The following OPHN1 variants were observed in gnomAD, a reference collection of about 807,000 sequenced individuals.
OPHN1 encodes the protein oligophrenin 1.
Under a neutral mutation model 60.7 loss-of-function variants are expected in OPHN1, and 11 were observed. The observed-to-expected ratio is 0.18, with a 90% CI of 0.11 to 0.30. The LOEUF (loss-of-function observed/expected upper bound fraction) is 0.30, where lower values mean the gene tolerates loss of function less well. Ranked by LOEUF, OPHN1 falls within the 10% of genes least tolerant of loss-of-function variation. The pLI, the probability that OPHN1 is intolerant of heterozygous loss-of-function variation, is 1.00. For missense variants in OPHN1, 449 were observed against 611.0 expected (o/e 0.73, Z 2.80); for synonymous variants, 226 against 222.6 (o/e 1.02, Z -0.14).
Position 68,422,779 on chromosome X carries a change from AAGAG to A in OPHN1, c.154+10084_154+10087del, listed in dbSNP as rs1160830744. ...AGAAGAAAGGGAAAGGGAAGAAAGA[AAGAG>A]AGAGAGGGAGGGAGGGAGGGAGGGA... On this transcript the variant is annotated intron_variant, in intron 2 of 24. Transcript: ENST00000355520. 1.5e-4 allele frequency among the ~76,000 whole-genome samples: 12 copies of A among 81,395 alleles called. No individual in the cohort carries two copies. The South Asian group carries it at 3.3e-3, about 22-fold the overall frequency. The allele number at this position is 81,395 out of a possible 115,157, so 70.7% of individuals were successfully genotyped here. A position where few individuals can be genotyped will look rare whatever the true frequency, so the allele number is the denominator to read the frequency against.
At chrX:68,142,151 G>A (rs987776893) in intron 15 of OPHN1, among the ~76,000 whole-genome samples, 3 of 111,904 alleles carry the variant, frequency 2.7e-5, no homozygotes, top group African/African-American at 9.7e-5. Flanking sequence ...TCAGATGACT[G>A]AAACCTAAGA....
At chrX:68,140,640 C>T (rs2077238492) in intron 15 of OPHN1, among the ~76,000 whole-genome samples, 3 of 110,267 alleles carry the variant, frequency 2.7e-5, no homozygotes, top group South Asian at 8.0e-4. Flanking sequence ...TAAACCTCAC[C>T]CTCAAGCCTG....
chrX:68,375,869 CAG>C (rs768573491), intron 2 of OPHN1, among the ~76,000 whole-genome samples: 1 of 111,085 alleles, frequency 9.0e-6, no homozygotes, highest in East Asian at 2.8e-4. Flanking sequence ...AACTGAGGCA[CAG>C]AGAGATGAAA....
intron 2 of OPHN1, among the ~76,000 whole-genome samples, chrX:68,420,136 C>T (rs1459020892): frequency 8.9e-6 from 1 of 111,741 alleles, no homozygotes; most frequent in Non-Finnish European, 1.9e-5. Flanking sequence ...ATGGCCACCA[C>T]TTCCTATGGG....
chrX:68,130,940 A>C (rs1180055865), intron 15 of OPHN1, among the ~76,000 whole-genome samples: 1 of 111,109 alleles, frequency 9.0e-6, no homozygotes, highest in Non-Finnish European at 1.9e-5. Context: ...ATAATGACAA[A>C]CTGGTAGATT....
intron 2 of OPHN1, among the ~76,000 whole-genome samples, chrX:68,346,354 G>C (rs1243590755): frequency 8.9e-6 from 1 of 111,805 alleles, no homozygotes; most frequent in Admixed American, 9.6e-5. Context: ...TCTATTAATA[G>C]GAGGCTGTAT....
chrX:68,340,186 G>C (rs1487174719), intron 2 of OPHN1, among the ~76,000 whole-genome samples: 1 of 111,997 alleles, frequency 8.9e-6, no homozygotes, highest in Non-Finnish European at 1.9e-5. Flanking sequence ...AATCCCAGCT[G>C]TCTTTCTGGC....
In OPHN1 at chrX:68,227,934, C is replaced by CA. The variant is rs1033443030; in HGVS notation, c.486+6552dup. 1.3e-3 allele frequency among the ~76,000 whole-genome samples: 139 copies of CA among 107,184 alleles called. No homozygotes were observed. The Middle Eastern group carries it at 0.019, about 15-fold the overall frequency. 93.1% of individuals were successfully genotyped at this position (107,184 alleles called of 115,157 possible). On this transcript the variant is annotated intron_variant, in intron 6 of 24. Transcript: ENST00000355520. ...GCAGAACTGAAGGAGATAAGAGACA[C>CA]AAAAAAAAACCTTCAAAAAATCAAT... is the stretch of plus-strand genomic sequence containing the variant.
chrX:68,314,509 G>T (rs773797882), intron 2 of OPHN1, among the ~76,000 whole-genome samples: 6 of 107,346 alleles, frequency 5.6e-5, no homozygotes, highest in African/African-American at 2.0e-4. Flanking sequence ...CAACAAGAGC[G>T]AAACTCCATT....
intron 18 of OPHN1, among the ~76,000 whole-genome samples, chrX:68,108,616 T>C (rs746932820): frequency 1.8e-5 from 2 of 111,686 alleles, no homozygotes; most frequent in East Asian, 5.6e-4. Flanking sequence ...TAAATTATAT[T>C]ACTACTATTA....
At chrX:68,164,620 T>G (rs189420323) in intron 15 of OPHN1, among the ~76,000 whole-genome samples, 121 of 112,059 alleles carry the variant, frequency 1.1e-3, no homozygotes, top group Non-Finnish European at 1.8e-3. Context: ...CAGAGTGGCT[T>G]TAGCATAATT....
intron 2 of OPHN1, among the ~76,000 whole-genome samples, chrX:68,381,703 G>C (rs1339007709): frequency 9.0e-6 from 1 of 111,405 alleles, no homozygotes; most frequent in African/African-American, 3.3e-5. Context: ...CCAACCATCT[G>C]TGGCATGTGT....
chrX:68,317,283 G>A (rs113327003), intron 2 of OPHN1, among the ~76,000 whole-genome samples: 4 of 96,768 alleles, frequency 4.1e-5, no homozygotes, highest in African/African-American at 1.5e-4. Flanking sequence ...CTGGGCAACA[G>A]AGTGAAAATC....
At chrX:68,086,437 T>C (rs1222312539) in intron 19 of OPHN1, among the ~76,000 whole-genome samples, 1 of 111,747 alleles carries the variant, frequency 8.9e-6, no homozygotes, top group South Asian at 3.8e-4. Context: ...TCAGAGTTAG[T>C]TTTAATGGTC....
intron 5 of OPHN1, among the ~76,000 whole-genome samples, chrX:68,248,731 T>C (rs1395802480): frequency 8.9e-6 from 1 of 112,187 alleles, no homozygotes; most frequent in Non-Finnish European, 1.9e-5. Context: ...GAAAATGTAG[T>C]ATGTGTACAC....
In OPHN1 at chrX:68,133,049, CCACT is replaced by C. The variant is rs2077204476; in HGVS notation, c.1277-13721_1277-13718del. ...ACCGCCAACTCTGCAGCAGTCCGCC[CCACT>C]CGGCAGCAAGCGGCGCCTTACAATT... On this transcript the variant is annotated intron_variant, in intron 15 of 24. Coordinates refer to ENST00000355520, the MANE Select transcript of OPHN1 (RefSeq NM_002547.3). 20 of 497,745 alleles carry C rather than the reference CCACT, an allele frequency of 4.0e-5. No homozygotes were observed. The South Asian group carries it at 5.2e-4, about 13-fold the overall frequency. 41.0% of individuals were successfully genotyped at this position (497,745 alleles called of 1,213,427 possible).
intron 15 of OPHN1, 161 bp downstream of exon 15, chrX:68,192,758 G>A (rs1272706506): frequency 2.2e-6 from 1 of 463,626 alleles, no homozygotes; most frequent in African/African-American, 2.4e-5. Context: ...AGGTACGATT[G>A]ACTCTGCCCA....
At chrX:68,285,871 TA>T (rs201233981) in intron 3 of OPHN1, among the ~76,000 whole-genome samples, 9 of 110,778 alleles carry the variant, frequency 8.1e-5, no homozygotes, top group South Asian at 3.8e-4. Flanking sequence ...TTGATTCCTT[TA>T]AAAAAAATCT....
At chrX:68,383,096 G>A (rs2078605709) in intron 2 of OPHN1, among the ~76,000 whole-genome samples, 1 of 110,737 alleles carries the variant, frequency 9.0e-6, no homozygotes, top group Admixed American at 9.7e-5. Context: ...GCCGAGATGG[G>A]AGGATCACTT....
Sources: gnomAD v4.1 joint callset for allele counts (sites outside exome capture counted in the v4.1 genomes callset) on GRCh38, gnomAD v4.1.1 for gene constraint, MANE v1.5 for transcripts, NCBI Gene and HGNC (gene_info 2026-07-23, HGNC 2026-07-21) for gene names.